ZHX2: variants seen among roughly 807,000 people sequenced by gnomAD.
ZHX2 encodes the protein zinc fingers and homeoboxes protein 2.
Under a neutral mutation model 21.9 loss-of-function variants are expected in ZHX2, and 6 were observed. The ratio of observed to expected loss-of-function variants is 0.27; its 90% CI spans 0.15 to 0.54. The LOEUF is 0.54. ZHX2 is among the 20% of genes least tolerant of loss of function. The pLI is 0.95. For missense variants in ZHX2, 908 were observed against 1,090.7 expected, an observed-to-expected ratio of 0.83 and a Z score of 2.36; for synonymous variants, 434 against 437.1, an observed-to-expected ratio of 0.99 and a Z score of 0.09.
Position 122,952,923 on chromosome 8 carries a change from G to A in ZHX2, c.1413G>A (p.Arg471=), listed in dbSNP as rs1278471663. ...SQFPDDAEVY[R]LIEVTGLARS... ...TCCCTGACGATGCCGAGGTTTACCG[G>A]CTCATCGAGGTGACTGGCCTTGCCA... The change falls in exon 3 of 4, where the codon CGG becomes CGA. Residue 471 remains arginine, a synonymous_variant. Coordinates refer to ENST00000314393, the MANE Select transcript of ZHX2 (RefSeq NM_014943.5). This position sits in a 1 kb window ranked among gnomAD's most constrained non-coding sequence, Gnocchi z 6.9. The A allele has an allele frequency of 1.9e-6, 3 of 1,614,042 alleles. No individual in the cohort carries two copies. The highest frequency in any genetic ancestry group is 4.5e-5 in the East Asian group (2 of 44,858).
chr8:122,887,288 T>C (rs768640760), intron 2 of ZHX2, among the ~76,000 whole-genome samples: 4 of 150,256 alleles, frequency 2.7e-5, no homozygotes, highest in Non-Finnish European at 5.9e-5. Flanking sequence ...CCGAGGTGGG[T>C]GGATCACTTG....
intron 2 of ZHX2, among the ~76,000 whole-genome samples, chr8:122,933,565 A>G (rs2130159410): frequency 6.6e-6 from 1 of 152,290 alleles, no homozygotes; most frequent in Non-Finnish European, 1.5e-5. Flanking sequence ...GAGAAAGAAT[A>G]CTTTGCCTGG....
intron 3 of ZHX2, among the ~76,000 whole-genome samples, chr8:122,969,632 G>A (rs11785093): frequency 0.11 from 16,968 of 152,202 alleles, 961 homozygotes; most frequent in South Asian, 0.18. Context: ...TGACAGGTTT[G>A]TCCGTATCAA....
At chr8:122,929,187 G>A (rs752923100) in intron 2 of ZHX2, among the ~76,000 whole-genome samples, 4 of 152,150 alleles carry the variant, frequency 2.6e-5, no homozygotes, top group East Asian at 1.9e-4. Context: ...AACACCAGGC[G>A]CACTTACTTT....
At chr8:122,822,992 C>T (rs931321895) in intron 1 of ZHX2, among the ~76,000 whole-genome samples, 1 of 152,216 alleles carries the variant, frequency 6.6e-6, no homozygotes, top group Non-Finnish European at 1.5e-5. Flanking sequence ...CAGGAAAGGA[C>T]GTTGCAGGGA....
intron 3 of ZHX2, among the ~76,000 whole-genome samples, chr8:122,963,870 T>G (rs1208476451): frequency 1.1e-5 from 1 of 88,088 alleles, no homozygotes; most frequent in East Asian, 4.3e-4. Context: ...TAAGTTGGGT[T>G]TTTTTTGTTG....
chr8:122,917,354 A>G (rs1299815346), intron 2 of ZHX2, among the ~76,000 whole-genome samples: 2 of 151,432 alleles, frequency 1.3e-5, no homozygotes, highest in African/African-American at 4.9e-5. Context: ...CTACATTATG[A>G]TCTGCCAGAA....
At chr8:122,918,568 C>T (rs996545288) in intron 2 of ZHX2, among the ~76,000 whole-genome samples, 6 of 152,192 alleles carry the variant, frequency 3.9e-5, no homozygotes, top group African/African-American at 1.4e-4. Context: ...ATATTTTAGG[C>T]TGTGCAGGCC....
chr8:122,813,414 AG>A (rs1586583902), intron 1 of ZHX2, among the ~76,000 whole-genome samples: 1 of 152,140 alleles, frequency 6.6e-6, no homozygotes, highest in African/African-American at 2.4e-5. Context: ...CCTCCCTTAT[AG>A]CTTCCCATCA....
intron 2 of ZHX2, among the ~76,000 whole-genome samples, chr8:122,947,634 TAG>T (rs1237133938): frequency 5.3e-5 from 8 of 151,878 alleles, no homozygotes; most frequent in African/African-American, 1.9e-4. Context: ...GGTGAGGAAA[TAG>T]AGAGTGCTAA....
chr8:122,928,995 A>G (rs1820919693), intron 2 of ZHX2, among the ~76,000 whole-genome samples: 1 of 152,178 alleles, frequency 6.6e-6, no homozygotes, highest in Non-Finnish European at 1.5e-5. Context: ...AATATTTCCT[A>G]TATACCAAGT....
chr8:122,872,111 T>C (rs1819455982), intron 2 of ZHX2, among the ~76,000 whole-genome samples: 1 of 152,158 alleles, frequency 6.6e-6, no homozygotes, highest in Non-Finnish European at 1.5e-5. Flanking sequence ...TGCCGCATCC[T>C]TCAGGTCTGC....
At chr8:122,892,841 C>A (rs1301262001) in intron 2 of ZHX2, among the ~76,000 whole-genome samples, 1 of 152,094 alleles carries the variant, frequency 6.6e-6, no homozygotes, top group Admixed American at 6.6e-5. Context: ...TACACCACCA[C>A]ATTTGGCTAA....
intron 2 of ZHX2, among the ~76,000 whole-genome samples, chr8:122,950,915 A>G (rs1385275795): frequency 6.6e-6 from 1 of 151,796 alleles, no homozygotes; most frequent in Non-Finnish European, 1.5e-5. Flanking sequence ...TCACTTGCCA[A>G]CCCCTGGGGA....
At chr8:122,912,210 C>T (rs979285815) in intron 2 of ZHX2, among the ~76,000 whole-genome samples, 2 of 152,200 alleles carry the variant, frequency 1.3e-5, no homozygotes, top group African/African-American at 4.8e-5. Context: ...ACACATAGCA[C>T]AGACTCAGAG....
In ZHX2 at chr8:122,951,842, T is replaced by A; in HGVS notation, c.332T>A (p.Val111Glu). ...HPNVILNPLY[V>E]CAECNFTTKK... is the part of the protein sequence containing the mutation. The stretch of plus-strand genomic sequence containing the variant: ...AACGTGATTCTCAACCCCCTCTACG[T>A]GTGTGCAGAATGTAACTTCACAACC... The change falls in exon 3 of 4, where the codon GTG (valine) becomes GAG (glutamate). Residue 111 changes from valine to glutamate, a missense_variant. Transcript: ENST00000314393. The A allele has an allele frequency of 2.5e-6, 4 of 1,614,150 alleles. No homozygotes were observed. Among genetic ancestry groups the A allele is most frequent in the Non-Finnish European group, 3.4e-6 (4 of 1,180,028 alleles).
intron 1 of ZHX2, among the ~76,000 whole-genome samples, chr8:122,794,825 C>G (rs1256720004): frequency 6.6e-6 from 1 of 152,194 alleles, no homozygotes; most frequent in Non-Finnish European, 1.5e-5. Context: ...AAGAAAGACT[C>G]CTGTAGTTCC....
intron 2 of ZHX2, among the ~76,000 whole-genome samples, chr8:122,900,086 C>T (rs1163691279): frequency 6.6e-6 from 1 of 152,162 alleles, no homozygotes; most frequent in Non-Finnish European, 1.5e-5. Flanking sequence ...CTCCCCATCC[C>T]CAACCTATAT....
intron 1 of ZHX2, among the ~76,000 whole-genome samples, chr8:122,798,195 C>T (rs760104451): frequency 5.9e-5 from 9 of 152,130 alleles, no homozygotes; most frequent in East Asian, 1.9e-4. Flanking sequence ...TATTCTGCTA[C>T]GCCTATGCAT....
Sources: gnomAD v4.1 joint callset for allele counts (sites outside exome capture counted in the v4.1 genomes callset) on GRCh38, gnomAD v4.1.1 for gene constraint, Gnocchi (gnomAD v3.1) non-coding constraint, MANE v1.5 for transcripts, NCBI Gene and HGNC (gene_info 2026-07-23, HGNC 2026-07-21) for gene names.